PIEZO2: variants seen among roughly 807,000 people sequenced by gnomAD.
The protein encoded by PIEZO2 is piezo type mechanosensitive ion channel component 2.
Under a neutral mutation model 337.3 loss-of-function variants are expected in PIEZO2, and 172 were observed. The observed-to-expected ratio is 0.51, with a 90% CI of 0.45 to 0.58. The LOEUF (loss-of-function observed/expected upper bound fraction) is 0.58, where lower values mean the gene tolerates loss of function less well. PIEZO2 is among the 20% of genes least tolerant of loss of function. PIEZO2 has a pLI of 0.00. For missense variants in PIEZO2, 3,028 were observed against 3,391.3 expected (o/e 0.89, Z 2.66); for synonymous variants, 1,251 against 1,228.5 (o/e 1.02, Z -0.38).
intron 20 of PIEZO2, among the ~76,000 whole-genome samples, chr18:10,772,805 C>T (rs191120796): frequency 1.2e-4 from 19 of 152,262 alleles, no homozygotes; most frequent in South Asian, 2.1e-4. Context: ...TCTATTAAAA[C>T]ATTATTTCAA....
chr18:11,095,956 G>A (rs561157967), intron 1 of PIEZO2, among the ~76,000 whole-genome samples: 1 of 152,178 alleles, frequency 6.6e-6, no homozygotes, highest in African/African-American at 2.4e-5. Context: ...AAATTCAGAT[G>A]CTGTCAGGGA....
chr18:10,860,298 G>C (rs1229713530), intron 5 of PIEZO2, among the ~76,000 whole-genome samples: 1 of 152,162 alleles, frequency 6.6e-6, no homozygotes, highest in Non-Finnish European at 1.5e-5. Context: ...TGCCTTTCCA[G>C]ATCTATGCCA....
chr18:11,020,181 C>T (rs563574187), intron 2 of PIEZO2, among the ~76,000 whole-genome samples: 4 of 152,244 alleles, frequency 2.6e-5, no homozygotes, highest in Middle Eastern at 3.4e-3. Flanking sequence ...ACAGAAGAGA[C>T]CACTTTTAAA....
intron 1 of PIEZO2, 27 bp from the exon 2 acceptor site, chr18:11,066,249 G>T: frequency 6.6e-7 from 1 of 1,510,968 alleles, no homozygotes; most frequent in South Asian, 1.2e-5. Flanking sequence ...AGAAGAGAGT[G>T]AGAAGATCAT....
chr18:11,018,285 A>G (rs2036192617), intron 2 of PIEZO2, among the ~76,000 whole-genome samples: 1 of 150,408 alleles, frequency 6.6e-6, no homozygotes, highest in African/African-American at 2.5e-5. Flanking sequence ...TTAATGGCCC[A>G]CACTACTCCT....
intron 33 of PIEZO2, chr18:10,740,280 G>A (rs372598638): frequency 6.6e-6 from 1 of 152,274 alleles, no homozygotes; most frequent in African/African-American, 2.4e-5. Flanking sequence ...TTATGATCAG[G>A]AGGGAAACAC....
In PIEZO2 at chr18:10,682,607, G is replaced by C. The variant is rs1567943154; in HGVS notation, c.7498-315C>G. On this transcript the variant is annotated intron_variant, in intron 49 of 55. Coordinates refer to ENST00000674853, the MANE Select transcript of PIEZO2 (RefSeq NM_001378183.1). This position sits in a 1 kb window ranked among gnomAD's most constrained non-coding sequence, Gnocchi z 5.6. ...CTGGTGATGAACTCCTGGACCAAGG[G>C]ATCAAGTATCCGGCCGAATGAACCT... Among the ~76,000 whole-genome samples, 1 of 145,568 alleles carries C rather than the reference G, an allele frequency of 6.9e-6. No individual in the cohort carries two copies. Among genetic ancestry groups the C allele is most frequent in the Non-Finnish European group, 1.5e-5 (1 of 67,978 alleles).
chr18:11,122,323 ATTTACTTTTTAACAGTCTCAT>A (rs2040052720), intron 1 of PIEZO2, among the ~76,000 whole-genome samples: 1 of 152,216 alleles, frequency 6.6e-6, no homozygotes. Context: ...CATTATCAAG[ATTTACTTTTTAACAGTCTCAT>A]TTTAAACAAT....
At chr18:10,950,571 T>A (rs1427410266) in intron 3 of PIEZO2, among the ~76,000 whole-genome samples, 1 of 152,254 alleles carries the variant, frequency 6.6e-6, no homozygotes, top group Non-Finnish European at 1.5e-5. Context: ...AGTAAGTTAT[T>A]GTATATGTGG....
At chr18:10,995,828 GAC>G (rs2035302126) in intron 2 of PIEZO2, among the ~76,000 whole-genome samples, 1 of 152,056 alleles carries the variant, frequency 6.6e-6, no homozygotes, top group African/African-American at 2.4e-5. Flanking sequence ...CTGGACTCAG[GAC>G]AGTTATTTTT....
chr18:11,142,820 T>C (rs2040692104), intron 1 of PIEZO2, among the ~76,000 whole-genome samples: 1 of 147,802 alleles, frequency 6.8e-6, no homozygotes, highest in African/African-American at 2.5e-5. Context: ...GGCTCACACC[T>C]GTAATCCCAG....
At chr18:10,974,653 C>T (rs949122428) in intron 3 of PIEZO2, among the ~76,000 whole-genome samples, 1 of 152,224 alleles carries the variant, frequency 6.6e-6, no homozygotes, top group Admixed American at 6.5e-5. Context: ...TGCTCAGACT[C>T]CAGCTGAGAC....
chr18:11,082,272 G>GA (rs1159341727), intron 1 of PIEZO2, among the ~76,000 whole-genome samples: 4 of 151,926 alleles, frequency 2.6e-5, no homozygotes, highest in African/African-American at 9.7e-5. Flanking sequence ...TCTTCTACTC[G>GA]AATATGTACC....
At chr18:11,050,311 G>A (rs1196520353) in intron 2 of PIEZO2, among the ~76,000 whole-genome samples, 1 of 151,962 alleles carries the variant, frequency 6.6e-6, no homozygotes, top group Non-Finnish European at 1.5e-5. Flanking sequence ...AAGCCTAATG[G>A]TATAAGCACT....
chr18:10,989,798 AC>A (rs2035020407), intron 2 of PIEZO2, among the ~76,000 whole-genome samples: 2 of 152,156 alleles, frequency 1.3e-5, no homozygotes, highest in Non-Finnish European at 2.9e-5. Context: ...GACATTTTAC[AC>A]CCCACAGATT....
At chr18:11,121,932 A>C (rs927514887) in intron 1 of PIEZO2, among the ~76,000 whole-genome samples, 1 of 152,098 alleles carries the variant, frequency 6.6e-6, no homozygotes, top group African/African-American at 2.4e-5. Flanking sequence ...ATCATGTACC[A>C]AAATGAGAAG....
At chr18:10,684,950 C>T (rs546711830) in intron 49 of PIEZO2, among the ~76,000 whole-genome samples, 15 of 152,222 alleles carry the variant, frequency 9.9e-5, no homozygotes, top group Middle Eastern at 3.4e-3. Context: ...TCATGGCAGC[C>T]GCTGGTAACT....
At chr18:10,915,907 A>T (rs1166538662) in intron 3 of PIEZO2, among the ~76,000 whole-genome samples, 4 of 149,060 alleles carry the variant, frequency 2.7e-5, no homozygotes, top group Admixed American at 1.3e-4. Flanking sequence ...TGATTGGTGC[A>T]TTTACAAACC....
rs2145981843 is a variant in PIEZO2, at chr18:11,080,640, T to A, written c.65-14418A>T. 6.6e-6 allele frequency among the ~76,000 whole-genome samples: 1 copy of A among 152,272 alleles called. No individual in the cohort carries two copies. The highest frequency in any genetic ancestry group is 1.9e-4 in the East Asian group (1 of 5,168). The stretch of plus-strand genomic sequence containing the variant: ...GCGGGCAGATCATGAGGTCAGGAGA[T>A]CAAGACTATCCTGGCCAACACGGTG... On this transcript the variant is annotated intron_variant, in intron 1 of 55. Transcript: ENST00000674853. The surrounding 1 kb of genome is among the most constrained non-coding windows in gnomAD (Gnocchi z 5.4).
Sources: allele counts gnomAD v4.1 joint callset (sites outside exome capture counted in the v4.1 genomes callset), GRCh38; gene constraint gnomAD v4.1.1; non-coding constraint Gnocchi (gnomAD v3.1); transcripts MANE v1.5; gene names NCBI Gene and HGNC (gene_info 2026-07-23, HGNC 2026-07-21).